The following TSPAN9 variants were observed in gnomAD, a reference collection of about 807,000 sequenced individuals.
TSPAN9 encodes the protein tetraspanin-9.
TSPAN9 carries 16 observed loss-of-function variants against 31.0 expected under a neutral mutation model. The ratio of observed to expected loss-of-function variants is 0.52; its 90% CI spans 0.35 to 0.78. The LOEUF (loss-of-function observed/expected upper bound fraction) is 0.78. Among genes scored for constraint, TSPAN9 ranks in the 30% least tolerant of loss-of-function variants. TSPAN9 has a pLI of 0.01. For missense variants in TSPAN9, 272 were observed against 312.5 expected, an observed-to-expected ratio of 0.87 and a Z score of 0.98; for synonymous variants, 145 against 121.6, an observed-to-expected ratio of 1.19 and a Z score of -1.27.
intron 2 of TSPAN9, among the ~76,000 whole-genome samples, chr12:3,183,728 T>A (rs189857373): frequency 1.3e-5 from 2 of 152,232 alleles, no homozygotes; most frequent in Admixed American, 6.5e-5. Context: ...GGACCCACGC[T>A]TGGAGAAGTA....
intron 8 of TSPAN9, among the ~76,000 whole-genome samples, chr12:3,282,561 G>T (rs1449158553): frequency 6.6e-6 from 1 of 152,072 alleles, no homozygotes; most frequent in Non-Finnish European, 1.5e-5. Context: ...ATACCTGAAT[G>T]ATTTACAACT....
intron 2 of TSPAN9, among the ~76,000 whole-genome samples, chr12:3,179,801 T>A (rs1204297111): frequency 1.3e-5 from 2 of 152,150 alleles, no homozygotes; most frequent in African/African-American, 2.4e-5. Flanking sequence ...AAATCCAGAT[T>A]CTCAGCCAGA....
At chr12:3,166,826 T>G (rs544426927) in intron 2 of TSPAN9, among the ~76,000 whole-genome samples, 1 of 152,342 alleles carries the variant, frequency 6.6e-6, no homozygotes, top group South Asian at 2.1e-4. Flanking sequence ...AGATGGAGTC[T>G]CGCTCTGTCA....
chr12:3,265,593 C>G (rs1862523069), intron 3 of TSPAN9, among the ~76,000 whole-genome samples: 1 of 152,190 alleles, frequency 6.6e-6, no homozygotes, highest in Non-Finnish European at 1.5e-5. Flanking sequence ...GGTAGTCGCC[C>G]TCGGCTGGAC....
intron 4 of TSPAN9, 131 bp from the exon 5 acceptor site, chr12:3,278,861 C>G: frequency 9.6e-7 from 1 of 1,045,576 alleles, no homozygotes; most frequent in East Asian, 2.4e-5. Flanking sequence ...TCTGGGTTTC[C>G]TCAGGAGGAG....
At chr12:3,159,053 A>G (rs1448353745) in intron 2 of TSPAN9, among the ~76,000 whole-genome samples, 1 of 151,130 alleles carries the variant, frequency 6.6e-6, no homozygotes, top group African/African-American at 2.4e-5. Flanking sequence ...TGCGCTCCCC[A>G]CCCCCTGCCA....
At chr12:3,117,923 AGGGCTG>A (rs2098323176) in intron 2 of TSPAN9, among the ~76,000 whole-genome samples, 1 of 152,160 alleles carries the variant, frequency 6.6e-6, no homozygotes, top group Admixed American at 6.5e-5. Context: ...CTGTCACCTC[AGGGCTG>A]GGAGGTGAAG....
At chr12:3,269,433 TCC>T (rs1862625580) in intron 3 of TSPAN9, among the ~76,000 whole-genome samples, 11 of 130,066 alleles carry the variant, frequency 8.5e-5, no homozygotes, top group African/African-American at 1.8e-4. Context: ...CAGCCTGCCC[TCC>T]CTGTGTTCCT....
intron 3 of TSPAN9, among the ~76,000 whole-genome samples, chr12:3,227,278 G>C (rs541562856): frequency 1.1e-4 from 16 of 152,346 alleles, no homozygotes; most frequent in African/African-American, 3.1e-4. Context: ...GTCATCGGCT[G>C]TACATGTGTC....
chr12:3,208,316 G>A (rs1190235502), intron 3 of TSPAN9, among the ~76,000 whole-genome samples: 1 of 152,228 alleles, frequency 6.6e-6, no homozygotes, highest in African/African-American at 2.4e-5. Flanking sequence ...GGGCAGCTGG[G>A]AGGGCCAGGG....
At chr12:3,233,028 CT>C (rs34281044) in intron 3 of TSPAN9, among the ~76,000 whole-genome samples, 38 of 152,346 alleles carry the variant, frequency 2.5e-4, no homozygotes, top group African/African-American at 8.9e-4. Flanking sequence ...CCTTCTCAGG[CT>C]TTTCAGGTGC....
chr12:3,088,714 C>G (rs2098302076), intron 2 of TSPAN9, among the ~76,000 whole-genome samples: 1 of 152,092 alleles, frequency 6.6e-6, no homozygotes, highest in Non-Finnish European at 1.5e-5. Context: ...GGGGATCAGG[C>G]TGGGCCTTGA....
At position 3,283,085 on chromosome 12, in the gene TSPAN9, T is replaced by A; in HGVS notation, c.689T>A (p.Ile230Asn). Residue 230 changes from isoleucine to asparagine, a missense_variant, in exon 9 of 9, where the codon ATC becomes AAC. By Grantham distance (149) the Ile-to-Asn change is moderately radical. Transcript: ENST00000011898. Reference sequence around the variant, plus strand: ...TTCTCCATGACCCTCTTCCAGCACATCCACCGGACTGGTAAGAAGTACGAC... The same window carrying A: ...TTCTCCATGACCCTCTTCCAGCACAACCACCGGACTGGTAAGAAGTACGAC... Reference protein sequence around the residue: ...MAFSMTLFQHIHRTGKKYDA With the variant: ...MAFSMTLFQHNHRTGKKYDA 1 of 1,609,680 alleles carries A rather than the reference T, an allele frequency of 6.2e-7. No individual in the cohort carries two copies.
intron 2 of TSPAN9, among the ~76,000 whole-genome samples, chr12:3,093,790 G>A (rs2098306295): frequency 6.6e-6 from 1 of 152,168 alleles, no homozygotes; most frequent in African/African-American, 2.4e-5. Context: ...GCCGTTAGAT[G>A]TTTGTTCTTT....
At chr12:3,276,019 G>A (rs1450083471) in intron 3 of TSPAN9, among the ~76,000 whole-genome samples, 2 of 152,110 alleles carry the variant, frequency 1.3e-5, no homozygotes, top group African/African-American at 2.4e-5. Flanking sequence ...CCGCTCCTCC[G>A]TAGCCTCCTG....
chr12:3,140,304 C>CT (rs1212588877), intron 2 of TSPAN9, among the ~76,000 whole-genome samples: 2 of 152,090 alleles, frequency 1.3e-5, no homozygotes, highest in African/African-American at 2.4e-5. Flanking sequence ...ACCAAGGAAA[C>CT]TTGTAGGGAT....
In TSPAN9 at chr12:3,285,162, C is replaced by T. The variant is rs1862990371; in HGVS notation, c.*2046C>T. On this transcript the variant is annotated 3_prime_UTR_variant, in exon 9 of 9. Transcript: ENST00000011898. ...GAGTTTCAGCCGCCTCCGCAGGAAC[C>T]CCCAAAGTGCAGATTCCGGAGCAGA... The T allele has an allele frequency of 6.6e-6, 1 of 151,900 alleles. No individual in the cohort carries two copies. The highest frequency in any genetic ancestry group is 1.5e-5 in the Non-Finnish European group (1 of 68,024). 9.4% of individuals were successfully genotyped at this position (151,900 alleles called of 1,614,324 possible).
intron 2 of TSPAN9, among the ~76,000 whole-genome samples, chr12:3,178,440 A>G (rs1306970889): frequency 2.6e-5 from 4 of 151,976 alleles, no homozygotes; most frequent in Non-Finnish European, 5.9e-5. Context: ...ACAGGCATGC[A>G]CTACCACGCC....
At chr12:3,131,392 C>T (rs2098329784) in intron 2 of TSPAN9, among the ~76,000 whole-genome samples, 1 of 152,212 alleles carries the variant, frequency 6.6e-6, no homozygotes, top group South Asian at 2.1e-4. Flanking sequence ...GCCAGTTGCA[C>T]AGGTGCTCCC....
Sources: allele counts gnomAD v4.1 joint callset (sites outside exome capture counted in the v4.1 genomes callset), GRCh38; gene constraint gnomAD v4.1.1; transcripts MANE v1.5; gene names NCBI Gene and HGNC (gene_info 2026-07-23, HGNC 2026-07-21).